WNK2: variants seen among roughly 807,000 people sequenced by gnomAD.
WNK2 encodes the protein WNK lysine deficient protein kinase 2.
Under a neutral mutation model 192.1 loss-of-function variants are expected in WNK2, and 67 were observed. The observed-to-expected ratio is 0.35, with a 90% CI of 0.29 to 0.43. The LOEUF (loss-of-function observed/expected upper bound fraction) is 0.43. Among genes scored for constraint, WNK2 ranks in the 20% least tolerant of loss-of-function variants. The probability of loss-of-function intolerance (pLI) is 1.00; values close to 1 mark genes in which losing one functional copy is unlikely to be tolerated. For missense variants in WNK2, 2,698 were observed against 3,089.7 expected (o/e 0.87, Z 3.01); for synonymous variants, 1,439 against 1,393.9 (o/e 1.03, Z -0.72).
chr9:93,225,809 T>C (rs777028081), intron 2 of WNK2, among the ~76,000 whole-genome samples: 8 of 152,196 alleles, frequency 5.3e-5, no homozygotes, highest in Non-Finnish European at 8.8e-5. Context: ...CAGAGAAGGC[T>C]TCCTGGGCGA....
Position 93,289,107 on chromosome 9 carries a change from G to A in WNK2, c.4353G>A (p.Val1451=), listed in dbSNP as rs1321107222. 3 of 1,608,426 alleles carry A rather than the reference G, an allele frequency of 1.9e-6. No homozygotes were observed. In the African/African-American group the frequency reaches 4.0e-5, roughly 21 times the overall value. The change falls in exon 20 of 30, where the codon GTG becomes GTA. Residue 1451 remains valine, a synonymous_variant. Transcript: ENST00000427277. The part of the protein sequence containing the change: ...EAPLAVQPLV[V]GLAPCTPAPE... ...CGCTTGCTGTGCAGCCCCTCGTGGTGGGCCTAGCACCTTGCACTCCAGCTC... is the reference window on the plus strand; with the variant it reads ...CGCTTGCTGTGCAGCCCCTCGTGGTAGGCCTAGCACCTTGCACTCCAGCTC...
At chr9:93,311,607 TTTTG>T (rs1401777079) in intron 28 of WNK2, among the ~76,000 whole-genome samples, 1 of 45,934 alleles carries the variant, frequency 2.2e-5, no homozygotes, top group African/African-American at 6.1e-5. Context: ...TTCTGGGTTT[TTTTG>T]TTTGTGTGTG....
At chr9:93,195,642 T>C (rs1275737134) in intron 2 of WNK2, among the ~76,000 whole-genome samples, 2 of 125,098 alleles carry the variant, frequency 1.6e-5, no homozygotes, top group African/African-American at 3.1e-5. Context: ...GAGGTTGCAG[T>C]GAGCCAAGAT....
chr9:93,199,955 G>A (rs1275153729), intron 2 of WNK2, among the ~76,000 whole-genome samples: 1 of 151,002 alleles, frequency 6.6e-6, no homozygotes, highest in African/African-American at 2.4e-5. Flanking sequence ...GGGGGGCAGC[G>A]GTTGGGCAGG....
intron 28 of WNK2, 105 bp from the exon 29 acceptor site, chr9:93,317,415 C>T (rs1198307602): frequency 4.0e-5 from 44 of 1,097,986 alleles, no homozygotes; most frequent in Middle Eastern, 3.0e-4. Flanking sequence ...TCCAGGACTG[C>T]TGCCTCCTGA....
chr9:93,303,176 T>A (rs1851905959), intron 26 of WNK2, among the ~76,000 whole-genome samples: 1 of 152,154 alleles, frequency 6.6e-6, no homozygotes, highest in Non-Finnish European at 1.5e-5. Flanking sequence ...CACGTTGGCC[T>A]CCCAAAGTGC....
intron 28 of WNK2, chr9:93,308,917 C>G: frequency 1.7e-6 from 2 of 1,166,536 alleles, no homozygotes; most frequent in South Asian, 2.7e-5. Flanking sequence ...TCTTGGCAGA[C>G]AGGCCCACCT....
chr9:93,242,862 G>C (rs1841016428), intron 7 of WNK2, among the ~76,000 whole-genome samples: 1 of 152,228 alleles, frequency 6.6e-6, no homozygotes, highest in Admixed American at 6.5e-5. Context: ...AGGATAGGAG[G>C]ACATTTGGAT....
At chr9:93,307,063 G>A (rs945551569) in intron 27 of WNK2, 4 of 570,320 alleles carry the variant, frequency 7.0e-6, no homozygotes, top group Non-Finnish European at 1.3e-5. Flanking sequence ...CACATCTAAC[G>A]GGCTTATCCT....
chr9:93,251,451 G>T (rs547403034), intron 8 of WNK2, among the ~76,000 whole-genome samples: 8 of 152,128 alleles, frequency 5.3e-5, no homozygotes, highest in Non-Finnish European at 1.2e-4. Context: ...TGTGGGCCGG[G>T]CATGGTGGCT....
chr9:93,239,904 C>G lies in WNK2; in HGVS notation c.1470C>G (p.Pro490=). The G allele has an allele frequency of 6.2e-7, 1 of 1,611,790 alleles. No homozygotes were observed. ...ACCCCAAGAAACTGAAGGGAAAGCCCAAGGACAATGGAGCCATAGAGTTCA... is the reference window on the plus strand; with the variant it reads ...ACCCCAAGAAACTGAAGGGAAAGCCGAAGGACAATGGAGCCATAGAGTTCA... ...VEDPKKLKGK[P]KDNGAIEFTF... is the part of the protein sequence containing the mutation. The change falls in exon 7 of 30, where the codon CCC becomes CCG. Residue 490 remains proline (P), a synonymous_variant. Transcript: ENST00000427277. This position sits in a 1 kb window ranked among gnomAD's most constrained non-coding sequence, Gnocchi z 4.2.
At chr9:93,262,799 C>A in intron 14 of WNK2, 80 bp downstream of exon 14, 1 of 1,492,230 alleles carries the variant, frequency 6.7e-7, no homozygotes, top group Non-Finnish European at 9.2e-7. Context: ...GCTCCTGCTG[C>A]TGCTTCCCCT....
Position 93,306,818 on chromosome 9 carries a change from A to G in WNK2, c.6256A>G (p.Ser2086Gly). ...TCTCTGCCTAGGCAAAGAACACAGC[A>G]GTAGTAATTATCCGGGTTTTTTCCC... ...KRLCLGKEHS[S>G]RSSTSSLAPG... The change falls in exon 27 of 30, where the codon AGT becomes GGT. Residue 2086 changes from serine (S) to glycine (G), a missense_variant. By Grantham distance (56) the Ser-to-Gly change is moderately conservative. Transcript: ENST00000427277. 6.2e-7 allele frequency: 1 copy of G among 1,614,070 alleles called. No homozygotes were observed. The highest frequency in any genetic ancestry group is 8.5e-7 in the Non-Finnish European group (1 of 1,179,892).
At chr9:93,319,100 C>T (rs777331438) in intron 29 of WNK2, 2 of 1,614,146 alleles carry the variant, frequency 1.2e-6, no homozygotes, top group East Asian at 4.5e-5. Flanking sequence ...GCTGCCCTCA[C>T]CTGTCCCCCT....
At chr9:93,306,894 G>C in intron 27 of WNK2, 73 bp downstream of exon 27, 1 of 1,606,322 alleles carries the variant, frequency 6.2e-7, no homozygotes, top group Non-Finnish European at 8.5e-7. Flanking sequence ...GCACATCAGG[G>C]TTCCCGCGGC....
At chr9:93,268,496 C>A in intron 18 of WNK2, 131 bp from the exon 19 acceptor site, 2 of 1,404,618 alleles carry the variant, frequency 1.4e-6, no homozygotes, top group South Asian at 1.3e-5. Context: ...CACACCCTTC[C>A]TGGAGAAAAT....
intron 8 of WNK2, 118 bp from the exon 9 acceptor site, chr9:93,252,765 T>G (rs928633319): frequency 5.2e-6 from 5 of 966,448 alleles, no homozygotes; most frequent in East Asian, 3.2e-5. Context: ...TGCGGGTTAT[T>G]TATGTGATCT....
Position 93,298,031 on chromosome 9 carries a change from C to T in WNK2, c.5887C>T (p.Leu1963=), listed in dbSNP as rs138255487. 5.9e-4 allele frequency: 917 copies of T among 1,553,114 alleles called. 6 individuals are homozygous for T. The African/African-American group carries it at 0.012, about 20-fold the overall frequency. Residue 1963 remains leucine, a synonymous_variant, in exon 24 of 30, where the codon CTG becomes TTG. Coordinates refer to ENST00000427277, the MANE Select transcript of WNK2 (RefSeq NM_006648.4). ...GAAGGCAGGCAAGCTGCTAAATCCC[C>T]TGGTGCGGCAGCTCAAGGTCGTGGC... ...KLKAGKLLNP[L]VRQLKVVASS... is the part of the protein sequence containing the mutation.
At chr9:93,232,766 G>A (rs754331671) in intron 4 of WNK2, among the ~76,000 whole-genome samples, 8 of 152,112 alleles carry the variant, frequency 5.3e-5, no homozygotes, top group Non-Finnish European at 1.0e-4. Context: ...GACCCGCATG[G>A]TTGCCCAGCT....
Sources: allele counts gnomAD v4.1 joint callset (sites outside exome capture counted in the v4.1 genomes callset), GRCh38; gene constraint gnomAD v4.1.1; non-coding constraint Gnocchi (gnomAD v3.1); transcripts MANE v1.5; gene names NCBI Gene and HGNC (gene_info 2026-07-23, HGNC 2026-07-21).